Variants in SLC35C1 observed in about 807,000 individuals in gnomAD.
The protein encoded by SLC35C1 is GDP-fucose transporter 1.
Under a neutral mutation model 23.2 loss-of-function variants are expected in SLC35C1, and 8 were observed. The ratio of observed to expected loss-of-function variants is 0.35; its 90% CI spans 0.20 to 0.62. The LOEUF (loss-of-function observed/expected upper bound fraction) is 0.62. SLC35C1 is among the 20% of genes least tolerant of loss of function. The pLI, the probability that SLC35C1 is intolerant of heterozygous loss-of-function variation, is 0.75. For missense variants in SLC35C1, 422 were observed against 478.6 expected, an observed-to-expected ratio of 0.88 and a Z score of 1.10; for synonymous variants, 226 against 225.1, an observed-to-expected ratio of 1.00 and a Z score of -0.04.
At position 45,812,217 on chromosome 11, in the gene SLC35C1, G is replaced by T. The variant is rs2085955938; in HGVS notation, c.*882G>T. 1 of 206,824 alleles carries T rather than the reference G, an allele frequency of 4.8e-6. No individual in the cohort carries two copies. The highest frequency in any genetic ancestry group is 2.3e-5 in the African/African-American group (1 of 44,264). The allele number at this position is 206,824 out of a possible 1,614,324, so 12.8% of individuals were successfully genotyped here. A position where few individuals can be genotyped will look rare whatever the true frequency, so the allele number is the denominator to read the frequency against. On this transcript the variant is annotated 3_prime_UTR_variant, in exon 2 of 2. Coordinates refer to ENST00000314134, the MANE Select transcript of SLC35C1 (RefSeq NM_018389.5). ...CCTCCCCAGAAGCCTTCCTCCCCAG[G>T]TGGGGCTGATGGAGCAAGGGTCCAG...
At chr11:45,810,181 T>G (rs1043043377) in intron 1 of SLC35C1, 2 of 985,310 alleles carry the variant, frequency 2.0e-6, no homozygotes, top group African/African-American at 3.5e-5. Flanking sequence ...GGAAGCTCTT[T>G]GAGCAGGAAG....
chr11:45,808,044 G>T (rs2085895938), intron 1 of SLC35C1, among the ~76,000 whole-genome samples: 1 of 152,220 alleles, frequency 6.6e-6, no homozygotes, highest in Non-Finnish European at 1.5e-5. Flanking sequence ...GGGCGTGCCT[G>T]ACTGGGACAG....
chr11:45,804,599 C>A (rs374494278), upstream of SLC35C1: 1 of 985,650 alleles, frequency 1.0e-6, no homozygotes, highest in Non-Finnish European at 1.2e-6. Context: ...GGAGGACAAA[C>A]TGAAGTCCGA....
chr11:45,805,517 G>T lies in SLC35C1; in HGVS notation c.-285G>T. ...GGCCCCAGCCTCTTCTCCCCTCACA[G>T]GTCTTCTCTGTCCTGGCCTCACCGC... On this transcript the variant is annotated 5_prime_UTR_variant, in exon 1 of 2. The change creates a new upstream start codon in the 5' untranslated region. Transcript: ENST00000314134. The T allele has an allele frequency of 7.4e-7, 1 of 1,356,942 alleles. No individual in the cohort carries two copies. Among genetic ancestry groups the T allele is most frequent in the South Asian group, 1.6e-5 (1 of 62,020 alleles). The allele number at this position is 1,356,942 out of a possible 1,614,324, so 84.1% of individuals were successfully genotyped here.
At position 45,812,792 on chromosome 11, in the gene SLC35C1, G is replaced by A. The variant is rs1167916541; in HGVS notation, c.*1457G>A. The A allele has an allele frequency of 2.5e-6, 1 of 398,574 alleles. No homozygotes were observed. The highest frequency in any genetic ancestry group is 1.8e-5 in the South Asian group (1 of 55,880). The allele number at this position is 398,574 out of a possible 1,614,324, so 24.7% of individuals were successfully genotyped here. ...ATACCACCCTTCACCACACCCTCCTGCGCTCAGGGTGGCTTGCAGTCCCTG... is the reference window on the plus strand; with the variant it reads ...ATACCACCCTTCACCACACCCTCCTACGCTCAGGGTGGCTTGCAGTCCCTG... On this transcript the variant is annotated 3_prime_UTR_variant, in exon 2 of 2. Transcript: ENST00000314134.
chr11:45,810,367 T>A, intron 1 of SLC35C1: 1 of 985,432 alleles, frequency 1.0e-6, no homozygotes, highest in Non-Finnish European at 1.2e-6. Context: ...TAAGTGGCAC[T>A]CATTCTTCAG....
upstream of SLC35C1, chr11:45,804,650 G>A: frequency 7.1e-6 from 7 of 985,878 alleles, no homozygotes; most frequent in Non-Finnish European, 8.4e-6. Flanking sequence ...GCGCTGCCGG[G>A]GGTCTCGGGC....
At position 45,805,756 on chromosome 11, in the gene SLC35C1, G is replaced by T; in HGVS notation, c.-46G>T. The T allele has an allele frequency of 1.2e-6, 2 of 1,606,770 alleles. No homozygotes were observed. Among genetic ancestry groups the T allele is most frequent in the Non-Finnish European group, 1.7e-6 (2 of 1,179,854 alleles). ...AGTGAGCTCACTGCCCTGGACTCCA[G>T]GGAATCAGAGTTCTGGCCGCGGGGT... On this transcript the variant is annotated 5_prime_UTR_variant, in exon 1 of 2. The change creates a new upstream start codon in the 5' untranslated region. Transcript: ENST00000314134.
In SLC35C1 at chr11:45,806,136, G is replaced by C. The variant is rs754504481; in HGVS notation, c.335G>C (p.Arg112Thr). 6.2e-6 allele frequency: 10 copies of C among 1,607,846 alleles called. No homozygotes were observed. The highest frequency in any genetic ancestry group is 2.2e-5 in the South Asian group (2 of 91,066). ...TTCCCCAGCTTGCGCCTGGACCTCA[G>C]GGTGGCCCGCAGCGTCCTGCCCCTG... ...VDFPSLRLDL[R>T]VARSVLPLSV... Residue 112 changes from arginine (R) to threonine (T), a missense_variant, in exon 1 of 2, where the codon AGG (arginine) becomes ACG (threonine). Physicochemically the swap from Arg to Thr is moderately conservative, Grantham distance 71. Coordinates refer to ENST00000314134, the MANE Select transcript of SLC35C1 (RefSeq NM_018389.5).
intron 1 of SLC35C1, among the ~76,000 whole-genome samples, chr11:45,809,574 C>G (rs1334597899): frequency 6.6e-6 from 1 of 152,076 alleles, no homozygotes; most frequent in African/African-American, 2.4e-5. Context: ...CAGCCTGGAC[C>G]GATCTGGACT....
Position 45,805,464 on chromosome 11 carries a change from C to G in SLC35C1, c.-338C>G. The G allele has an allele frequency of 8.3e-7, 1 of 1,197,884 alleles. No homozygotes were observed. The highest frequency in any genetic ancestry group is 1.0e-6 in the Non-Finnish European group (1 of 953,482). The allele number at this position is 1,197,884 out of a possible 1,614,324, so 74.2% of individuals were successfully genotyped here. A position where few individuals can be genotyped will look rare whatever the true frequency, so the allele number is the denominator to read the frequency against. ...CCCCGCCCTGCCATTCCTCTCCCCT[C>G]CCTTCTCTCTGCGACCCCTCCCTGT... is the stretch of plus-strand genomic sequence containing the variant. On this transcript the variant is annotated 5_prime_UTR_variant, in exon 1 of 2. Transcript: ENST00000314134.
intron 1 of SLC35C1, among the ~76,000 whole-genome samples, chr11:45,809,160 G>T (rs981091331): frequency 1.3e-5 from 2 of 152,166 alleles, no homozygotes; most frequent in African/African-American, 2.4e-5. Context: ...CACCATGCCA[G>T]GCTTTGGGGA....
rs1204102753 is a variant in SLC35C1 at position 45,811,540 on chromosome 11, G to A, written c.*205G>A. 1 of 489,776 alleles carries A rather than the reference G, an allele frequency of 2.0e-6. No individual in the cohort carries two copies. The allele number at this position is 489,776 out of a possible 1,614,324, so 30.3% of individuals were successfully genotyped here. The stretch of plus-strand genomic sequence containing the variant: ...AAGTTGAAGGAACCAGTGTTTACAA[G>A]TAATACCAGAAAGTTGCCAAACCCT... On this transcript the variant is annotated 3_prime_UTR_variant, in exon 2 of 2. Coordinates refer to ENST00000314134, the MANE Select transcript of SLC35C1 (RefSeq NM_018389.5).
At chr11:45,809,390 A>T (rs993969012) in intron 1 of SLC35C1, among the ~76,000 whole-genome samples, 2 of 152,138 alleles carry the variant, frequency 1.3e-5, no homozygotes, top group Non-Finnish European at 2.9e-5. Context: ...AACATTCTAG[A>T]TAGAAGGAAG....
rs1292961784 is a variant in SLC35C1, at chr11:45,809,974, C to T, written c.536-802C>T. 5.1e-6 allele frequency: 5 copies of T among 984,564 alleles called. No homozygotes were observed. The South Asian group carries it at 1.9e-4, about 37-fold the overall frequency. 61.0% of individuals were successfully genotyped at this position (984,564 alleles called of 1,614,324 possible). A position where few individuals can be genotyped will look rare whatever the true frequency, so the allele number is the denominator to read the frequency against. The stretch of plus-strand genomic sequence containing the variant: ...ATTCCCCAGGAGAAGCCAACTTTGA[C>T]CTTGACAGATGAGTAGAATCCCCCA... On this transcript the variant is annotated intron_variant, in intron 1 of 1. Coordinates refer to ENST00000314134, the MANE Select transcript of SLC35C1 (RefSeq NM_018389.5).
Position 45,810,838 on chromosome 11 carries a change from G to T in SLC35C1, c.598G>T (p.Val200Phe). 1 of 1,612,388 alleles carries T rather than the reference G, an allele frequency of 6.2e-7. No individual in the cohort carries two copies. Among genetic ancestry groups the T allele is most frequent in the Non-Finnish European group, 8.5e-7 (1 of 1,180,020 alleles). Residue 200 changes from valine to phenylalanine, a missense_variant, in exon 2 of 2, where the codon GTC becomes TTC. By Grantham distance (50) the Val-to-Phe change is conservative. Coordinates refer to ENST00000314134, the MANE Select transcript of SLC35C1 (RefSeq NM_018389.5). ...AGGCACCCTGTCGTGGCTGGGCACC[G>T]TCTTCGGCGTGCTGGCTAGCCTCTG... The part of the protein sequence containing the change: ...AEGTLSWLGT[V>F]FGVLASLCVS...
chr11:45,811,479 G>A lies in SLC35C1; in HGVS notation c.*144G>A. Reference sequence around the variant, plus strand: ...TTATAGACCCAATCAGAATACGGTGGTTGAGAAGGAACCAGTGTTTACAAG... The same window carrying A: ...TTATAGACCCAATCAGAATACGGTGATTGAGAAGGAACCAGTGTTTACAAG... On this transcript the variant is annotated 3_prime_UTR_variant, in exon 2 of 2. Transcript: ENST00000314134. 1 of 600,370 alleles carries A rather than the reference G, an allele frequency of 1.7e-6. No individual in the cohort carries two copies. Among genetic ancestry groups the A allele is most frequent in the Non-Finnish European group, 2.8e-6 (1 of 362,630 alleles). The allele number at this position is 600,370 out of a possible 1,614,324, so 37.2% of individuals were successfully genotyped here. A position where few individuals can be genotyped will look rare whatever the true frequency, so the allele number is the denominator to read the frequency against.
chr11:45,805,834 C>G lies in SLC35C1; in HGVS notation c.33C>G (p.Ile11Met), dbSNP rs1223331665. MNRAPLKRSR[I>M]LHMALTGASD... Reference sequence around the variant, plus strand: ...GGGCCCCTCTGAAGCGGTCCAGGATCCTGCACATGGCGCTGACCGGGGCCT... The same window carrying G: ...GGGCCCCTCTGAAGCGGTCCAGGATGCTGCACATGGCGCTGACCGGGGCCT... Residue 11 changes from isoleucine (I) to methionine (M), a missense_variant, in exon 1 of 2, where the codon ATC becomes ATG. Physicochemically the swap from Ile to Met is conservative, Grantham distance 10 (BLOSUM62 1). Transcript: ENST00000314134. The G allele has an allele frequency of 6.8e-6, 11 of 1,614,030 alleles. No individual in the cohort carries two copies. The highest frequency in any genetic ancestry group is 9.3e-6 in the Non-Finnish European group (11 of 1,180,024).
In SLC35C1 at chr11:45,806,917, C is replaced by T. The variant is rs148186335; in HGVS notation, c.535+581C>T. 5.8e-5 allele frequency: 57 copies of T among 984,862 alleles called. No individual in the cohort carries two copies. The East Asian group carries it at 2.0e-3, about 35-fold the overall frequency. The allele number at this position is 984,862 out of a possible 1,614,324, so 61.0% of individuals were successfully genotyped here. On this transcript the variant is annotated intron_variant, in intron 1 of 1. Coordinates refer to ENST00000314134, the MANE Select transcript of SLC35C1 (RefSeq NM_018389.5). Reference sequence around the variant, plus strand: ...ATCACTCTCTGCCAGCTCAGGATAGCGCCTGAGACAGTAGCAAGCAATATG... The same window carrying T: ...ATCACTCTCTGCCAGCTCAGGATAGTGCCTGAGACAGTAGCAAGCAATATG...
Sources: allele counts gnomAD v4.1 joint callset (sites outside exome capture counted in the v4.1 genomes callset), GRCh38; gene constraint gnomAD v4.1.1; transcripts MANE v1.5; gene names NCBI Gene and HGNC (gene_info 2026-07-23, HGNC 2026-07-21).